The following CHCHD6 variants were observed in gnomAD, a reference collection of about 807,000 sequenced individuals.
CHCHD6 encodes MICOS complex subunit MIC25.
In CHCHD6, 28 loss-of-function variants were observed where a neutral mutation model predicts 32.3. The ratio of observed to expected loss-of-function variants is 0.87; its 90% CI spans 0.64 to 1.19. The LOEUF (loss-of-function observed/expected upper bound fraction) is 1.19, where lower values mean the gene tolerates loss of function less well. Ranked by LOEUF, CHCHD6 falls within the 50% of genes most tolerant of loss-of-function variation. CHCHD6 has a pLI of 0.00. For synonymous variants in CHCHD6, 122 were observed against 117.5 expected (o/e 1.04, Z -0.25); for missense variants, 333 against 307.0 (o/e 1.08, Z -0.63).
At chr3:126,832,600 A>G (rs1940689731) in intron 4 of CHCHD6, among the ~76,000 whole-genome samples, 1 of 152,222 alleles carries the variant, frequency 6.6e-6, no homozygotes. Context: ...CAAAGGAAGA[A>G]TGGTATTCTT....
rs761489424 is a variant in CHCHD6 at position 126,727,187 on chromosome 3, G to A, written c.196+1G>A. On this transcript the variant is annotated splice_donor_variant, in intron 2 of 7. Transcript: ENST00000290913. LOFTEE classifies it high-confidence loss of function. ...GGCAACTTGAGAGCCCCTCACAAAG[G>A]TATGGGGATTGTGACAGTTCTGTGG... 1.3e-6 allele frequency: 2 copies of A among 1,593,368 alleles called. No individual in the cohort carries two copies. Among genetic ancestry groups the A allele is most frequent in the Non-Finnish European group, 1.7e-6 (2 of 1,161,120 alleles).
At chr3:126,755,355 CA>C (rs765103610) in intron 4 of CHCHD6, among the ~76,000 whole-genome samples, 16 of 152,170 alleles carry the variant, frequency 1.1e-4, no homozygotes, top group Non-Finnish European at 1.5e-4. Flanking sequence ...GTGGCCTGTC[CA>C]AGAACCCAAG....
chr3:126,748,171 G>A (rs977619727), intron 4 of CHCHD6, among the ~76,000 whole-genome samples: 1 of 152,078 alleles, frequency 6.6e-6, no homozygotes, highest in African/African-American at 2.4e-5. Context: ...AAAACCAATA[G>A]ACCTTTCCCA....
chr3:126,806,502 C>A (rs984770279), intron 4 of CHCHD6, among the ~76,000 whole-genome samples: 76 of 152,226 alleles, frequency 5.0e-4, no homozygotes, highest in African/African-American at 1.7e-3. Context: ...AATGAGATAC[C>A]ATCTCATACC....
At chr3:126,766,658 C>T (rs1233795419) in intron 4 of CHCHD6, 38 of 1,037,048 alleles carry the variant, frequency 3.7e-5, no homozygotes, top group Middle Eastern at 3.0e-4. Flanking sequence ...GGTGCTCTCT[C>T]GGTGGCCACA....
rs561038130 is a variant in CHCHD6 at position 126,911,743 on chromosome 3, C to T, written c.496-2937C>T. On this transcript the variant is annotated intron_variant, in intron 5 of 7. Coordinates refer to ENST00000290913, the MANE Select transcript of CHCHD6 (RefSeq NM_032343.3). ...ACTATCCAAATTCACCGGGGCCAGG[C>T]TGTTTCTGGCAGTATGGCATCTTGA... 2.6e-5 allele frequency among the ~76,000 whole-genome samples: 4 copies of T among 152,354 alleles called. No homozygotes were observed. In the East Asian group the frequency reaches 7.7e-4, roughly 29 times the overall value.
chr3:126,954,724 G>T (rs1429704771), intron 6 of CHCHD6, among the ~76,000 whole-genome samples: 1 of 151,784 alleles, frequency 6.6e-6, no homozygotes, highest in African/African-American at 2.4e-5. Flanking sequence ...CCTGCTTCAG[G>T]GGAGTGCAGC....
intron 4 of CHCHD6, among the ~76,000 whole-genome samples, chr3:126,802,611 G>A (rs2107691351): frequency 6.6e-6 from 1 of 152,312 alleles, no homozygotes; most frequent in East Asian, 1.9e-4. Context: ...AAGTGACGGG[G>A]AGAATGGAAC....
intron 5 of CHCHD6, among the ~76,000 whole-genome samples, chr3:126,890,607 C>T (rs1371723490): frequency 6.6e-6 from 1 of 152,200 alleles, no homozygotes; most frequent in Non-Finnish European, 1.5e-5. Context: ...ATTTCTGTAG[C>T]TGTGGGGCTT....
intron 2 of CHCHD6, among the ~76,000 whole-genome samples, chr3:126,727,973 T>C (rs970577409): frequency 6.8e-6 from 1 of 147,584 alleles, no homozygotes; most frequent in African/African-American, 2.5e-5. Context: ...CGTAACTCAA[T>C]TAAAAAAAAA....
chr3:126,787,978 T>G (rs554697611), intron 4 of CHCHD6, among the ~76,000 whole-genome samples: 56 of 152,324 alleles, frequency 3.7e-4, no homozygotes, highest in South Asian at 1.2e-3. Context: ...TAAATATCTC[T>G]TATTATTTTG....
At chr3:126,882,759 C>T (rs1468196349) in intron 5 of CHCHD6, among the ~76,000 whole-genome samples, 1 of 152,204 alleles carries the variant, frequency 6.6e-6, no homozygotes, top group Non-Finnish European at 1.5e-5. Context: ...ACAGAGGGCT[C>T]CTTGATTTGA....
intron 6 of CHCHD6, among the ~76,000 whole-genome samples, chr3:126,943,077 G>T (rs913244712): frequency 6.6e-6 from 1 of 152,118 alleles, no homozygotes; most frequent in African/African-American, 2.4e-5. Flanking sequence ...CTCAATCAGT[G>T]AACTTTTGTT....
At chr3:126,846,947 C>A (rs1941316413) in intron 4 of CHCHD6, among the ~76,000 whole-genome samples, 1 of 152,148 alleles carries the variant, frequency 6.6e-6, no homozygotes, top group Admixed American at 6.5e-5. Flanking sequence ...TAAAGGATTT[C>A]TTTTCTTCTG....
intron 4 of CHCHD6, among the ~76,000 whole-genome samples, chr3:126,735,588 T>G (rs1026234211): frequency 1.5e-4 from 23 of 152,146 alleles, no homozygotes; most frequent in Non-Finnish European, 5.9e-5. Flanking sequence ...CTGGGCACAG[T>G]GCAAGCTTAG....
intron 4 of CHCHD6, among the ~76,000 whole-genome samples, chr3:126,797,766 G>T (rs1283899382): frequency 6.6e-6 from 1 of 152,166 alleles, no homozygotes; most frequent in Admixed American, 6.5e-5. Flanking sequence ...AATTGTTCTG[G>T]ACTTGTTTCT....
chr3:126,718,030 T>TC (rs995872444), intron 1 of CHCHD6, among the ~76,000 whole-genome samples: 2 of 151,994 alleles, frequency 1.3e-5, no homozygotes, highest in African/African-American at 2.4e-5. Context: ...TTCCTTGGTG[T>TC]CCCCCTGTTA....
chr3:126,908,232 G>T (rs1204322164), intron 5 of CHCHD6, among the ~76,000 whole-genome samples: 1 of 152,160 alleles, frequency 6.6e-6, no homozygotes, highest in African/African-American at 2.4e-5. Context: ...AAAGCATTTG[G>T]AGAAATGTTC....
At chr3:126,796,809 G>A (rs747124619) in intron 4 of CHCHD6, among the ~76,000 whole-genome samples, 2 of 152,098 alleles carry the variant, frequency 1.3e-5, no homozygotes, top group Non-Finnish European at 1.5e-5. Context: ...AGGCCCACTC[G>A]AAGCCTCTGT....
Sources: gnomAD v4.1 joint callset for allele counts (sites outside exome capture counted in the v4.1 genomes callset) on GRCh38, gnomAD v4.1.1 for gene constraint, MANE v1.5 for transcripts, NCBI Gene and HGNC (gene_info 2026-07-23, HGNC 2026-07-21) for gene names.